Variants in ATXN2L observed in about 807,000 individuals in gnomAD.
The protein encoded by ATXN2L is ataxin 2 like, also known as ataxin-2-like protein.
Under a neutral mutation model 120.7 loss-of-function variants are expected in ATXN2L, and 24 were observed. That is an observed-to-expected ratio of 0.20 (90% CI 0.14 to 0.28). The LOEUF is 0.28. Among genes scored for constraint, ATXN2L ranks in the 10% least tolerant of loss-of-function variants. The probability of loss-of-function intolerance (pLI) is 1.00; values close to 1 mark genes in which losing one functional copy is unlikely to be tolerated. For synonymous variants in ATXN2L, 653 were observed against 568.1 expected (o/e 1.15, Z -2.13); for missense variants, 1,312 against 1,432.3 (o/e 0.92, Z 1.36).
chr16:28,825,676 T>C lies in ATXN2L; in HGVS notation c.389T>C (p.Val130Ala). 1 of 1,614,212 alleles carries C rather than the reference T, an allele frequency of 6.2e-7. No individual in the cohort carries two copies. Among genetic ancestry groups the C allele is most frequent in the African/African-American group, 1.3e-5 (1 of 75,070 alleles). ...NSRMLHFLTA[V>A]VGSTCDVKVK... ...AGAATGCTGCATTTCCTTACAGCTG[T>C]TGTGGTAAGTTGGTACTTAACCCCC... Residue 130 changes from valine (V) to alanine (A), a missense_variant, in exon 3 of 22, where the codon GTT becomes GCT. Physicochemically the swap from Val to Ala is moderately conservative, Grantham distance 64. Coordinates refer to ENST00000336783, the MANE Select transcript of ATXN2L (RefSeq NM_007245.4).
intron 7 of ATXN2L, 100 bp from the exon 8 acceptor site, chr16:28,829,758 C>A: frequency 7.8e-7 from 1 of 1,280,056 alleles, no homozygotes; most frequent in Non-Finnish European, 1.1e-6. Context: ...TAAATACTTC[C>A]ATGCCTGAAC....
chr16:28,832,357 A>G lies in ATXN2L; in HGVS notation c.1474A>G (p.Ile492Val), dbSNP rs1235764041. 1 of 1,614,076 alleles carries G rather than the reference A, an allele frequency of 6.2e-7. No individual in the cohort carries two copies. Among genetic ancestry groups the G allele is most frequent in the Non-Finnish European group, 8.5e-7 (1 of 1,180,044 alleles). ...AGTCTCAGATCCTGGAGTGGGCTCC[A>G]TTTCTCCAGCTTCTCCAAAGATCTC... ...SSVSDPGVGS[I>V]SPASPKISLA... Residue 492 changes from isoleucine to valine, a missense_variant, in exon 11 of 22, where the codon ATT (isoleucine) becomes GTT (valine). Coordinates refer to ENST00000336783, the MANE Select transcript of ATXN2L (RefSeq NM_007245.4).
chr16:28,835,497 G>C lies in ATXN2L; in HGVS notation c.2686-52G>C, dbSNP rs929878734. ...GTCATTTCTGAGTGGCGAGGACTGG[G>C]GGCCAGCGAGTTGCTGGCCTGTGTG... On this transcript the variant is annotated intron_variant, in intron 20 of 21. Coordinates refer to ENST00000336783, the MANE Select transcript of ATXN2L (RefSeq NM_007245.4). 5.6e-6 allele frequency: 9 copies of C among 1,610,120 alleles called. No individual in the cohort carries two copies. The African/African-American group carries it at 1.2e-4, about 22-fold the overall frequency.
chr16:28,828,529 G>A (rs2053113183), intron 6 of ATXN2L, among the ~76,000 whole-genome samples: 1 of 151,576 alleles, frequency 6.6e-6, no homozygotes, highest in African/African-American at 2.4e-5. Flanking sequence ...GGAGGTTGCG[G>A]TGAGCCAAGA....
intron 15 of ATXN2L, 57 bp from the exon 16 acceptor site, chr16:28,834,008 A>G: frequency 6.5e-7 from 1 of 1,533,040 alleles, no homozygotes; most frequent in Non-Finnish European, 8.9e-7. Flanking sequence ...CACTCTAGGC[A>G]TGGCCAGGAG....
Position 28,834,057 on chromosome 16 carries a change from T to G in ATXN2L, c.2026-8T>G. On this transcript the variant is annotated splice_region_variant and splice_polypyrimidine_tract_variant and intron_variant, in intron 15 of 21. Coordinates refer to ENST00000336783, the MANE Select transcript of ATXN2L (RefSeq NM_007245.4). ...ACAAAATAAAATTGTCCTCCCTTGT[T>G]TTTGCAGAATAAATCCACCAGTACC... The G allele has an allele frequency of 6.2e-7, 1 of 1,611,338 alleles. No homozygotes were observed. The highest frequency in any genetic ancestry group is 8.5e-7 in the Non-Finnish European group (1 of 1,179,152).
intron 6 of ATXN2L, among the ~76,000 whole-genome samples, chr16:28,827,201 A>C (rs1257423421): frequency 6.6e-6 from 1 of 152,348 alleles, no homozygotes; most frequent in South Asian, 2.1e-4. Flanking sequence ...TGGGAGGCCA[A>C]GGCCGGTGGG....
At chr16:28,830,318 C>G (rs995595513) in intron 8 of ATXN2L, among the ~76,000 whole-genome samples, 1 of 151,940 alleles carries the variant, frequency 6.6e-6, no homozygotes, top group East Asian at 1.9e-4. Flanking sequence ...TTATTTGTGT[C>G]TTTTAAAAAC....
At chr16:28,825,283 A>C in intron 1 of ATXN2L, 83 bp from the exon 2 acceptor site, 1 of 1,311,634 alleles carries the variant, frequency 7.6e-7, no homozygotes, top group Non-Finnish European at 1.1e-6. Context: ...CAGGTGGTAT[A>C]TACTTCTAGG....
rs1052363361 is a variant in ATXN2L, at chr16:28,823,017, C to T, written c.-243C>T. ...GCTCCCCGGCGACGCGCACGCGCGC[C>T]AGCCCGGCTCGCGCCCTCTCGCTTT... On this transcript the variant is annotated 5_prime_UTR_variant, in exon 1 of 22. Transcript: ENST00000336783. 94 of 237,744 alleles carry T rather than the reference C, an allele frequency of 4.0e-4. 1 individual carries two copies. The highest frequency in any genetic ancestry group is 2.1e-3 in the African/African-American group (89 of 42,706). The allele number at this position is 237,744 out of a possible 1,614,324, so 14.7% of individuals were successfully genotyped here. A position where few individuals can be genotyped will look rare whatever the true frequency, so the allele number is the denominator to read the frequency against.
In ATXN2L at chr16:28,825,967, G is replaced by C. The variant is rs530217880; in HGVS notation, c.465+126G>C. 32 of 987,674 alleles carry C rather than the reference G, an allele frequency of 3.2e-5. 1 individual carries two copies. The African/African-American group carries it at 3.9e-4, about 12-fold the overall frequency. 61.2% of individuals were successfully genotyped at this position (987,674 alleles called of 1,614,324 possible). A position where few individuals can be genotyped will look rare whatever the true frequency, so the allele number is the denominator to read the frequency against. On this transcript the variant is annotated intron_variant, in intron 4 of 21. Transcript: ENST00000336783. ...TTAGTTGTTTCTGTAGGCCTGTGCT[G>C]AATAGTGCTGCAGGGAAAAAAGACA... is the stretch of plus-strand genomic sequence containing the variant.
rs747465192 is a variant in ATXN2L, at chr16:28,835,731, C to T, written c.2868C>T (p.Gly956=). 6 of 1,614,172 alleles carry T rather than the reference C, an allele frequency of 3.7e-6. No homozygotes were observed. In the South Asian group the frequency reaches 6.6e-5, roughly 18 times the overall value. ...TCCACCACCAGCAGCTGCCCCACGG[C>T]TTCACCAACATGGCCCATGTTACCC... ...YAIHHQQLPH[G]FTNMAHVTQA... Residue 956 remains glycine, a synonymous_variant, in exon 21 of 22, where the codon GGC becomes GGT. Coordinates refer to ENST00000336783, the MANE Select transcript of ATXN2L (RefSeq NM_007245.4).
Position 28,832,482 on chromosome 16 carries a change from C to G in ATXN2L, c.1517-14C>G. The G allele has an allele frequency of 6.2e-7, 1 of 1,613,722 alleles. No individual in the cohort carries two copies. The highest frequency in any genetic ancestry group is 8.5e-7 in the Non-Finnish European group (1 of 1,179,600). On this transcript the variant is annotated splice_polypyrimidine_tract_variant and intron_variant, in intron 11 of 21. Coordinates refer to ENST00000336783, the MANE Select transcript of ATXN2L (RefSeq NM_007245.4). ...GACAGAAGGACCTTTAGGCATTTCT[C>G]TTTACTTGAACAGTAAAAGAACTCT...
At chr16:28,829,837 G>C in intron 7 of ATXN2L, 21 bp from the exon 8 acceptor site, 3 of 1,613,010 alleles carry the variant, frequency 1.9e-6, no homozygotes, top group Non-Finnish European at 1.7e-6. Context: ...GGATGGTGGT[G>C]GTCTGTGGGT....
chr16:28,829,723 C>T, intron 7 of ATXN2L, 135 bp from the exon 8 acceptor site: 1 of 944,954 alleles, frequency 1.1e-6, no homozygotes, highest in Non-Finnish European at 1.6e-6. Context: ...GCAGTCGGTG[C>T]CCGTTACCCA....
chr16:28,828,195 G>C (rs745547233), intron 6 of ATXN2L, among the ~76,000 whole-genome samples: 1 of 152,144 alleles, frequency 6.6e-6, no homozygotes, highest in Non-Finnish European at 1.5e-5. Flanking sequence ...ACATGTGCCA[G>C]AATTTTTCTG....
intron 1 of ATXN2L, chr16:28,823,908 C>T (rs2050608866): frequency 7.8e-6 from 2 of 255,266 alleles, no homozygotes; most frequent in Admixed American, 5.8e-5. Flanking sequence ...AAGGGTCTCG[C>T]GGTCCCCGGC....
In ATXN2L at chr16:28,823,438, G is replaced by C. The variant is rs756794380; in HGVS notation, c.179G>C (p.Gly60Ala). ...GPPAAASPCL[G>A]PVAAAGSGLR... is the part of the protein sequence containing the mutation. ...CCAGCGGCCGCCTCCCCCTGCCTGG[G>C]GCCTGTGGCCGCTGCCGGGAGCGGG... Residue 60 changes from glycine to alanine, a missense_variant, in exon 1 of 22, where the codon GGG (glycine) becomes GCG (alanine). Coordinates refer to ENST00000336783, the MANE Select transcript of ATXN2L (RefSeq NM_007245.4). 7.6e-7 allele frequency: 1 copy of C among 1,321,464 alleles called. No homozygotes were observed. The allele number at this position is 1,321,464 out of a possible 1,614,324, so 81.9% of individuals were successfully genotyped here. A position where few individuals can be genotyped will look rare whatever the true frequency, so the allele number is the denominator to read the frequency against.
In ATXN2L at chr16:28,834,170, A is replaced by C. The variant is rs1259790258; in HGVS notation, c.2131A>C (p.Ile711Leu). 1.2e-6 allele frequency: 2 copies of C among 1,613,942 alleles called. No homozygotes were observed. The highest frequency in any genetic ancestry group is 1.3e-5 in the African/African-American group (1 of 74,884). ...GAGTGGGCTATACAGCCCCCAGTAC[A>C]TCTCCTACATACCTCAGATCCACAT... Reference protein sequence around the residue: ...GQSGLYSPQYISYIPQIHMGP... With the variant: ...GQSGLYSPQYLSYIPQIHMGP... The change falls in exon 16 of 22, where the codon ATC (isoleucine) becomes CTC (leucine). Residue 711 changes from isoleucine to leucine, a missense_variant. By Grantham distance (5) the Ile-to-Leu change is conservative (BLOSUM62 2). Transcript: ENST00000336783.
Sources: gnomAD v4.1 joint callset for allele counts (sites outside exome capture counted in the v4.1 genomes callset) on GRCh38, gnomAD v4.1.1 for gene constraint, MANE v1.5 for transcripts, NCBI Gene and HGNC (gene_info 2026-07-23, HGNC 2026-07-21) for gene names.